FECH: variants seen among roughly 807,000 people sequenced by gnomAD.
FECH encodes ferrochelatase, mitochondrial.
In FECH, 40 loss-of-function variants were observed where a neutral mutation model predicts 56.9. The observed-to-expected ratio is 0.70, with a 90% CI of 0.55 to 0.92. The LOEUF (loss-of-function observed/expected upper bound fraction) is 0.92. Ranked by LOEUF, FECH falls within the 40% of genes least tolerant of loss-of-function variation. The pLI, the probability that FECH is intolerant of heterozygous loss-of-function variation, is 0.00. For synonymous variants in FECH, 175 were observed against 198.6 expected, an observed-to-expected ratio of 0.88 and a Z score of 1.00; for missense variants, 431 against 529.1, an observed-to-expected ratio of 0.81 and a Z score of 1.82.
At chr18:57,561,487 A>T (rs1307548369) in intron 6 of FECH, among the ~76,000 whole-genome samples, 1 of 152,164 alleles carries the variant, frequency 6.6e-6, no homozygotes, top group Non-Finnish European at 1.5e-5. Flanking sequence ...CCTAAAACCC[A>T]TCTGCGGTAT....
rs1367979127 is a variant in FECH at position 57,546,292 on chromosome 18, G to T, written c.*4420C>A. Among the ~76,000 whole-genome samples, 1 of 152,190 alleles carries T rather than the reference G, an allele frequency of 6.6e-6. No individual in the cohort carries two copies. The highest frequency in any genetic ancestry group is 1.5e-5 in the Non-Finnish European group (1 of 68,028). ...CACACATAGACGTTCGCTTACAGCT[G>T]CCAGCTTTAAATTCTGCCTTCCCGC... On this transcript the variant is annotated 3_prime_UTR_variant, in exon 11 of 11. Coordinates refer to ENST00000262093, the MANE Select transcript of FECH (RefSeq NM_000140.5).
Position 57,559,135 on chromosome 18 carries a change from T to C in FECH, c.804+10A>G, listed in dbSNP as rs913032843. The C allele has an allele frequency of 5.7e-6, 9 of 1,571,936 alleles. No individual in the cohort carries two copies. ...ATCACTAGGTCATCCCAGAAAATGTTCTTACTTACAGACATGGGCAGTGAG... is the reference window on the plus strand; with the variant it reads ...ATCACTAGGTCATCCCAGAAAATGTCCTTACTTACAGACATGGGCAGTGAG... On this transcript the variant is annotated intron_variant, in intron 7 of 10. Coordinates refer to ENST00000262093, the MANE Select transcript of FECH (RefSeq NM_000140.5).
chr18:57,544,889 T>C lies in FECH; in HGVS notation c.*5823A>G, dbSNP rs2050700043. On this transcript the variant is annotated 3_prime_UTR_variant, in exon 11 of 11. Coordinates refer to ENST00000262093, the MANE Select transcript of FECH (RefSeq NM_000140.5). ...TTTTAATATAACTTAATTTGAAAGA[T>C]ATTATTTTAATGATTAACTTGAAAT... 1.3e-5 allele frequency among the ~76,000 whole-genome samples: 2 copies of C among 152,364 alleles called. No homozygotes were observed. Among genetic ancestry groups the C allele is most frequent in the Admixed American group, 1.3e-4 (2 of 15,304 alleles).
At chr18:57,577,156 C>G (rs2051196022) in intron 2 of FECH, among the ~76,000 whole-genome samples, 1 of 152,188 alleles carries the variant, frequency 6.6e-6, no homozygotes, top group Admixed American at 6.5e-5. Flanking sequence ...CATTAAACCT[C>G]TAAGACATGA....
At chr18:57,568,374 C>T (rs1284400694) in intron 4 of FECH, among the ~76,000 whole-genome samples, 1 of 152,124 alleles carries the variant, frequency 6.6e-6, no homozygotes, top group East Asian at 1.9e-4. Flanking sequence ...GAGTAAAATA[C>T]CCTGGAAAGA....
chr18:57,550,831 C>A lies in FECH; in HGVS notation c.1153G>T (p.Val385Leu). 6.2e-7 allele frequency: 1 copy of A among 1,613,894 alleles called. No individual in the cohort carries two copies. The highest frequency in any genetic ancestry group is 8.5e-7 in the Non-Finnish European group (1 of 1,180,024). Residue 385 changes from valine (V) to leucine (L), a missense_variant, in exon 11 of 11, where the codon GTG (valine) becomes TTG (leucine). By Grantham distance (32) the Val-to-Leu change is conservative. Coordinates refer to ENST00000262093, the MANE Select transcript of FECH (RefSeq NM_000140.5). ...TCGTTTGACTGGATGTGTGAATGCA[C>A]CAAGTCGGCCAGGGCCTGGAAGATA... is the stretch of plus-strand genomic sequence containing the variant. ...PLFSKALADL[V>L]HSHIQSNELC... is the part of the protein sequence containing the mutation.
chr18:57,580,520 C>G (rs922805898), intron 1 of FECH, among the ~76,000 whole-genome samples: 2 of 151,894 alleles, frequency 1.3e-5, no homozygotes, highest in African/African-American at 2.4e-5. Context: ...ACATGACTGA[C>G]AGTAGCGTGC....
Position 57,580,150 on chromosome 18 carries a change from A to G in FECH, c.117T>C (p.Gly39=), listed in dbSNP as rs142964612. ...RVCQPWRWKS[G]AAAAAVTTET... ...CTGTGGTGACGGCCGCTGCAGCTGC[A>G]CCTGACTTCCACCTCCATGGCTGAC... The change falls in exon 2 of 11, where the codon GGT becomes GGC. Residue 39 remains glycine (G), a synonymous_variant. Coordinates refer to ENST00000262093, the MANE Select transcript of FECH (RefSeq NM_000140.5). The G allele has an allele frequency of 1.4e-5, 23 of 1,614,094 alleles. No individual in the cohort carries two copies. Among genetic ancestry groups the G allele is most frequent in the African/African-American group, 4.0e-5 (3 of 74,930 alleles).
intron 4 of FECH, among the ~76,000 whole-genome samples, 158 bp downstream of exon 4, chr18:57,571,234 C>T (rs943549284): frequency 5.3e-5 from 8 of 152,186 alleles, no homozygotes; most frequent in African/African-American, 4.8e-5. Context: ...CAAGGGATAA[C>T]GCCTGGAGAC....
At chr18:57,558,693 G>A (rs1227368977) in intron 7 of FECH, among the ~76,000 whole-genome samples, 1 of 152,182 alleles carries the variant, frequency 6.6e-6, no homozygotes, top group African/African-American at 2.4e-5. Context: ...GCCTGGGCGG[G>A]TGGATCACCT....
rs147782079 is a variant in FECH, at chr18:57,550,832, C to T, written c.1152G>A (p.Leu384=). 51 of 1,613,872 alleles carry T rather than the reference C, an allele frequency of 3.2e-5. No homozygotes were observed. In the African/African-American group the frequency reaches 5.5e-4, roughly 17 times the overall value. The change falls in exon 11 of 11, where the codon TTG becomes TTA. Residue 384 remains leucine, a synonymous_variant. Coordinates refer to ENST00000262093, the MANE Select transcript of FECH (RefSeq NM_000140.5). ...NPLFSKALAD[L]VHSHIQSNEL... ...CGTTTGACTGGATGTGTGAATGCAC[C>T]AAGTCGGCCAGGGCCTGGAAGATAG...
chr18:57,580,452 C>A (rs565153051), intron 1 of FECH, among the ~76,000 whole-genome samples: 12 of 152,220 alleles, frequency 7.9e-5, no homozygotes, highest in African/African-American at 2.9e-4. Flanking sequence ...CACCTCCTCT[C>A]CCCACCTCGG....
At chr18:57,551,945 G>A (rs1431014595) in intron 9 of FECH, among the ~76,000 whole-genome samples, 1 of 150,440 alleles carries the variant, frequency 6.6e-6, no homozygotes, top group African/African-American at 2.5e-5. Context: ...GTGCAGTGGC[G>A]CAATCTCGGC....
intron 1 of FECH, among the ~76,000 whole-genome samples, chr18:57,583,208 T>A (rs2051312766): frequency 6.6e-6 from 1 of 152,206 alleles, no homozygotes; most frequent in Non-Finnish European, 1.5e-5. Context: ...AAGCGTCTCC[T>A]ACCAAACAAT....
rs2050769603 is a variant in FECH, at chr18:57,549,580, A to C, written c.*1132T>G. 1 of 149,290 alleles carries C rather than the reference A, an allele frequency of 6.7e-6. No homozygotes were observed. Among genetic ancestry groups the C allele is most frequent in the South Asian group, 2.1e-4 (1 of 4,714 alleles). The allele number at this position is 149,290 out of a possible 1,614,324, so 9.2% of individuals were successfully genotyped here. A position where few individuals can be genotyped will look rare whatever the true frequency, so the allele number is the denominator to read the frequency against. On this transcript the variant is annotated 3_prime_UTR_variant, in exon 11 of 11. Coordinates refer to ENST00000262093, the MANE Select transcript of FECH (RefSeq NM_000140.5). Reference sequence around the variant, plus strand: ...GAAGATCAGACTCTGATCTGACATTATTTCTATATTTTTAGAAACACTTTT... The same window carrying C: ...GAAGATCAGACTCTGATCTGACATTCTTTCTATATTTTTAGAAACACTTTT...
At chr18:57,571,797 C>T (rs1400114223) in intron 3 of FECH, among the ~76,000 whole-genome samples, 1 of 152,176 alleles carries the variant, frequency 6.6e-6, no homozygotes, top group African/African-American at 2.4e-5. Context: ...AGATTCAGGA[C>T]ACACAACACC....
At chr18:57,565,167 A>G (rs895360739) in intron 5 of FECH, among the ~76,000 whole-genome samples, 1 of 152,246 alleles carries the variant, frequency 6.6e-6, no homozygotes, top group Non-Finnish European at 1.5e-5. Context: ...AATTTATCTA[A>G]TTGTGAGAGC....
chr18:57,554,549 G>C, intron 8 of FECH, 125 bp from the exon 9 acceptor site: 1 of 1,011,524 alleles, frequency 9.9e-7, no homozygotes, highest in Non-Finnish European at 1.5e-6. Context: ...ACACCTGCTT[G>C]AATGGATTTT....
intron 1 of FECH, among the ~76,000 whole-genome samples, chr18:57,584,117 T>C (rs888867505): frequency 6.6e-6 from 1 of 150,396 alleles, no homozygotes; most frequent in African/African-American, 2.4e-5. Flanking sequence ...GAGGCGGAGG[T>C]TGCAGTGAGC....
Sources: gnomAD v4.1 joint callset for allele counts (sites outside exome capture counted in the v4.1 genomes callset) on GRCh38, gnomAD v4.1.1 for gene constraint, MANE v1.5 for transcripts, NCBI Gene and HGNC (gene_info 2026-07-23, HGNC 2026-07-21) for gene names.